Variants in PPP1R12B observed in about 807,000 individuals in gnomAD.
PPP1R12B encodes myosin phosphatase target subunit 2.
PPP1R12B carries 76 observed loss-of-function variants against 126.1 expected under a neutral mutation model. The observed-to-expected ratio is 0.60, with a 90% CI of 0.50 to 0.73. The LOEUF (loss-of-function observed/expected upper bound fraction) is 0.73. PPP1R12B is among the 30% of genes least tolerant of loss of function. The pLI is 0.00. For synonymous variants in PPP1R12B, 356 were observed against 434.7 expected (o/e 0.82, Z 2.25); for missense variants, 1,052 against 1,205.1 (o/e 0.87, Z 1.88).
At chr1:202,432,101 G>T (rs1321699944) in intron 8 of PPP1R12B, among the ~76,000 whole-genome samples, 1 of 152,188 alleles carries the variant, frequency 6.6e-6, no homozygotes, top group Non-Finnish European at 1.5e-5. Flanking sequence ...GAAGCTCTTA[G>T]GGTCAAACCA....
chr1:202,409,995 ATT>A (rs1667178516), intron 1 of PPP1R12B: 1 of 151,972 alleles, frequency 6.6e-6, no homozygotes, highest in Non-Finnish European at 1.5e-5. Flanking sequence ...CAGGTTGTTT[ATT>A]TTTTGTTGTT....
intron 13 of PPP1R12B, among the ~76,000 whole-genome samples, chr1:202,479,518 T>C (rs1474366955): frequency 1.3e-5 from 2 of 152,252 alleles, no homozygotes; most frequent in Admixed American, 1.3e-4. Context: ...CTGAACAAGA[T>C]TTTCGTAGTC....
chr1:202,540,935 T>G (rs546895546), intron 18 of PPP1R12B, among the ~76,000 whole-genome samples: 69 of 151,576 alleles, frequency 4.6e-4, no homozygotes, highest in Non-Finnish European at 8.7e-4. Flanking sequence ...CATTTGAGAC[T>G]TTTCTCCATT....
intron 12 of PPP1R12B, chr1:202,444,940 T>G: frequency 3.1e-6 from 3 of 953,774 alleles, no homozygotes; most frequent in African/African-American, 1.7e-5. Flanking sequence ...TACCCTTTCT[T>G]TGGTCTATAT....
At chr1:202,531,837 A>G (rs1419548222) in intron 18 of PPP1R12B, among the ~76,000 whole-genome samples, 3 of 152,198 alleles carry the variant, frequency 2.0e-5, no homozygotes, top group African/African-American at 7.2e-5. Context: ...TTGGGCCTTA[A>G]AGGACCTTGT....
chr1:202,349,253 A>C (rs1410935994), intron 1 of PPP1R12B, 111 bp downstream of exon 1: 2 of 1,282,984 alleles, frequency 1.6e-6, no homozygotes, highest in Non-Finnish European at 2.2e-6. Context: ...TTCTGCATGG[A>C]CACTGCCCTT....
intron 1 of PPP1R12B, among the ~76,000 whole-genome samples, chr1:202,386,806 G>C (rs1663219775): frequency 6.6e-6 from 1 of 151,722 alleles, no homozygotes; most frequent in Non-Finnish European, 1.5e-5. Flanking sequence ...TAATATGCTA[G>C]TCTTCATGAA....
In PPP1R12B at chr1:202,440,671, A is replaced by T. The variant is rs111624000; in HGVS notation, c.1459-35A>T. 2.0e-6 allele frequency: 3 copies of T among 1,500,840 alleles called. No homozygotes were observed. In the African/African-American group the frequency reaches 4.1e-5, roughly 21 times the overall value. The allele number at this position is 1,500,840 out of a possible 1,614,324, so 93.0% of individuals were successfully genotyped here. ...ATGTTTTATGCTGTGCCAGTATTGTACCTTTCTTGTGCTTTACTTGTTTTT... is the reference window on the plus strand; with the variant it reads ...ATGTTTTATGCTGTGCCAGTATTGTTCCTTTCTTGTGCTTTACTTGTTTTT... On this transcript the variant is annotated intron_variant, in intron 10 of 23. Coordinates refer to ENST00000608999, the MANE Select transcript of PPP1R12B (RefSeq NM_002481.4).
intron 13 of PPP1R12B, among the ~76,000 whole-genome samples, chr1:202,470,494 A>C (rs1675704180): frequency 6.6e-6 from 1 of 152,234 alleles, no homozygotes; most frequent in Admixed American, 6.5e-5. Flanking sequence ...CTGTATTTTA[A>C]ATAGAAAATA....
chr1:202,572,798 A>T (rs1688732135), intron 23 of PPP1R12B, among the ~76,000 whole-genome samples: 1 of 152,144 alleles, frequency 6.6e-6, no homozygotes, highest in Non-Finnish European at 1.5e-5. Flanking sequence ...CTTTGGAAAG[A>T]TTACTAGCTG....
intron 23 of PPP1R12B, chr1:202,575,263 A>C: frequency 7.4e-7 from 1 of 1,350,620 alleles, no homozygotes; most frequent in South Asian, 1.6e-5. Flanking sequence ...GTTCCTGCAA[A>C]GCTTGGTTAT....
intron 18 of PPP1R12B, among the ~76,000 whole-genome samples, chr1:202,499,493 A>T (rs1022624330): frequency 6.6e-6 from 1 of 152,164 alleles, no homozygotes; most frequent in African/African-American, 2.4e-5. Context: ...GGGCTCAAAC[A>T]GTCCTCCTGC....
chr1:202,451,815 C>T (rs922854189), intron 13 of PPP1R12B, among the ~76,000 whole-genome samples: 3 of 151,486 alleles, frequency 2.0e-5, no homozygotes, highest in Non-Finnish European at 2.9e-5. Context: ...CCCCACCTCC[C>T]TCCCGGACGG....
intron 1 of PPP1R12B, among the ~76,000 whole-genome samples, chr1:202,388,111 A>G (rs1279208912): frequency 1.3e-5 from 2 of 151,010 alleles, no homozygotes; most frequent in African/African-American, 2.4e-5. Flanking sequence ...TCCTGTTCAT[A>G]GAAGCAGCAA....
At chr1:202,529,305 G>GAAA (rs1216109447) in intron 18 of PPP1R12B, among the ~76,000 whole-genome samples, 13 of 117,228 alleles carry the variant, frequency 1.1e-4, no homozygotes, top group African/African-American at 4.0e-4. Context: ...TGTTATTATT[G>GAAA]AAAAAAAAAA....
intron 1 of PPP1R12B, among the ~76,000 whole-genome samples, chr1:202,368,464 T>A (rs1000534128): frequency 6.6e-6 from 1 of 152,160 alleles, no homozygotes; most frequent in African/African-American, 2.4e-5. Context: ...TCTCTTTTTT[T>A]AATAAACTAG....
chr1:202,434,269 T>G (rs941938728), intron 8 of PPP1R12B, among the ~76,000 whole-genome samples: 1 of 152,224 alleles, frequency 6.6e-6, no homozygotes, highest in South Asian at 2.1e-4. Context: ...ATCTGGACTT[T>G]GATCTGGGAC....
At chr1:202,379,715 G>A (rs1661912380) in intron 1 of PPP1R12B, among the ~76,000 whole-genome samples, 2 of 152,078 alleles carry the variant, frequency 1.3e-5, no homozygotes, top group South Asian at 4.2e-4. Context: ...ATAGTACCTT[G>A]TTATTTTTAA....
At chr1:202,573,518 A>G (rs1272531872) in intron 23 of PPP1R12B, among the ~76,000 whole-genome samples, 2 of 151,870 alleles carry the variant, frequency 1.3e-5, no homozygotes, top group Non-Finnish European at 2.9e-5. Context: ...ATACCTGGCC[A>G]CCTTTTTGTA....
Sources: gnomAD v4.1 joint callset for allele counts (sites outside exome capture counted in the v4.1 genomes callset) on GRCh38, gnomAD v4.1.1 for gene constraint, MANE v1.5 for transcripts, NCBI Gene and HGNC (gene_info 2026-07-23, HGNC 2026-07-21) for gene names.